Variants in PDK1 observed in about 807,000 individuals in gnomAD.
The protein encoded by PDK1 is [Pyruvate dehydrogenase (acetyl-transferring)] kinase isozyme 1, mitochondrial.
A neutral mutation model predicts 54.2 loss-of-function variants in PDK1; 39 were observed. The ratio of observed to expected loss-of-function variants is 0.72; its 90% CI spans 0.56 to 0.94. PDK1 has a LOEUF of 0.94. Among genes scored for constraint, PDK1 ranks in the 40% least tolerant of loss-of-function variants. The pLI is 0.00. For missense variants in PDK1, 552 were observed against 566.0 expected (o/e 0.98, Z 0.25); for synonymous variants, 221 against 207.1 (o/e 1.07, Z -0.58).
the PDK1 span, among the ~76,000 whole-genome samples, chr2:172,625,812 A>G: frequency 6.6e-6 from 1 of 152,196 alleles, no homozygotes; most frequent in Admixed American, 6.5e-5. Flanking sequence ...TGCCTGGCAC[A>G]TAGCAAAAAA....
At chr2:172,612,902 C>T (rs557281629), downstream of PDK1, among the ~76,000 whole-genome samples, 24 of 152,202 alleles carry the variant, frequency 1.6e-4, no homozygotes, top group Admixed American at 1.2e-3. Context: ...TCAGGTGATC[C>T]GCCCACCTCG....
At chr2:172,697,623 C>T in the PDK1 span, among the ~76,000 whole-genome samples, 2 of 152,108 alleles carry the variant, frequency 1.3e-5, no homozygotes, top group Non-Finnish European at 2.9e-5. Flanking sequence ...TAATTAACCC[C>T]AATAATTACA....
intron 8 of PDK1, among the ~76,000 whole-genome samples, chr2:172,581,013 G>A (rs1243429448): frequency 6.6e-6 from 1 of 152,132 alleles, no homozygotes; most frequent in Non-Finnish European, 1.5e-5. Flanking sequence ...ATTGACAGTG[G>A]TAATGGTTGC....
the PDK1 span, among the ~76,000 whole-genome samples, chr2:172,645,809 G>A: frequency 6.6e-6 from 1 of 152,182 alleles, no homozygotes; most frequent in Non-Finnish European, 1.5e-5. Flanking sequence ...ATTCAGCACA[G>A]TACCTGGCAG....
At chr2:172,622,129 CAT>C in the PDK1 span, among the ~76,000 whole-genome samples, 240 of 104,146 alleles carry the variant, frequency 2.3e-3, 3 homozygotes, top group Non-Finnish European at 2.7e-3. Flanking sequence ...GTTTATATCT[CAT>C]ATTATGTGAG....
At chr2:172,716,896 A>T in the PDK1 span, among the ~76,000 whole-genome samples, 1 of 152,258 alleles carries the variant, frequency 6.6e-6, no homozygotes, top group Non-Finnish European at 1.5e-5. Context: ...ACAAAACTTC[A>T]TCAATGTTTT....
chr2:172,584,960 A>G (rs1264973865), intron 8 of PDK1, among the ~76,000 whole-genome samples: 1 of 150,862 alleles, frequency 6.6e-6, no homozygotes, highest in African/African-American at 2.4e-5. Context: ...GTGAGCCACC[A>G]GACCCACCCA....
At chr2:172,700,401 CG>C in the PDK1 span, among the ~76,000 whole-genome samples, 2 of 149,784 alleles carry the variant, frequency 1.3e-5, no homozygotes, top group Non-Finnish European at 3.0e-5. Flanking sequence ...AGTTCCCAGA[CG>C]GGGTCGTGGC....
the PDK1 span, among the ~76,000 whole-genome samples, chr2:172,638,598 G>C: frequency 6.6e-6 from 1 of 152,176 alleles, no homozygotes; most frequent in Non-Finnish European, 1.5e-5. Flanking sequence ...TTATTGAGAG[G>C]TGAAGCTGGC....
chr2:172,614,172 ACCCCCC>A, the PDK1 span, among the ~76,000 whole-genome samples: 3 of 133,304 alleles, frequency 2.3e-5, no homozygotes, highest in Non-Finnish European at 3.4e-5. Context: ...CCCAGGAAGG[ACCCCCC>A]CCCCCAACCC....
At chr2:172,656,192 T>TAG in the PDK1 span, among the ~76,000 whole-genome samples, 4 of 152,192 alleles carry the variant, frequency 2.6e-5, no homozygotes, top group African/African-American at 7.2e-5. Context: ...TCTAAGTATT[T>TAG]TTTACACTAA....
chr2:172,702,535 A>T, the PDK1 span, among the ~76,000 whole-genome samples: 1 of 149,740 alleles, frequency 6.7e-6, no homozygotes, highest in Non-Finnish European at 1.5e-5. Context: ...TAGACCCTGA[A>T]CTACAATTGT....
At chr2:172,565,506 G>A (rs1377160494) in intron 5 of PDK1, among the ~76,000 whole-genome samples, 1 of 152,044 alleles carries the variant, frequency 6.6e-6, no homozygotes, top group African/African-American at 2.4e-5. Context: ...GTTTTACCAT[G>A]TTGGCCAGGC....
chr2:172,579,518 G>A (rs1015669804), intron 8 of PDK1, among the ~76,000 whole-genome samples: 1 of 140,392 alleles, frequency 7.1e-6, no homozygotes, highest in Non-Finnish European at 1.5e-5. Context: ...CCCCTCCCCC[G>A]CTCTTTCTTT....
chr2:172,611,942 C>T (rs1691476147), downstream of PDK1, among the ~76,000 whole-genome samples: 1 of 152,234 alleles, frequency 6.6e-6, no homozygotes, highest in South Asian at 2.1e-4. Context: ...AAGAATAATA[C>T]TTTTTCATAT....
At chr2:172,556,423 C>G (rs1005983845) in intron 1 of PDK1, 77 bp downstream of exon 1, 4 of 1,126,270 alleles carry the variant, frequency 3.6e-6, no homozygotes, top group Non-Finnish European at 4.7e-6. Context: ...CAGGCCGGGT[C>G]GGCGCCGGCC....
At chr2:172,614,967 A>G in the PDK1 span, among the ~76,000 whole-genome samples, 2 of 152,230 alleles carry the variant, frequency 1.3e-5, no homozygotes, top group African/African-American at 4.8e-5. Flanking sequence ...AAGTATTAGT[A>G]CACAACAGTG....
chr2:172,571,203 T>G (rs1278629072), intron 8 of PDK1, among the ~76,000 whole-genome samples: 1 of 152,202 alleles, frequency 6.6e-6, no homozygotes, highest in Admixed American at 6.5e-5. Context: ...TTTCATTTGA[T>G]TCTCATGACG....
chr2:172,570,839 T>C lies in PDK1; in HGVS notation c.945+15T>C. On this transcript the variant is annotated intron_variant, in intron 8 of 10. Coordinates refer to ENST00000282077, the MANE Select transcript of PDK1 (RefSeq NM_002610.5). Reference sequence around the variant, plus strand: ...TGACTGTGAAGGTAAATGTGTTTAATGGTTTGTTTTCTTTTTTTTTTTTTT... The same window carrying C: ...TGACTGTGAAGGTAAATGTGTTTAACGGTTTGTTTTCTTTTTTTTTTTTTT... 6.8e-7 allele frequency: 1 copy of C among 1,475,338 alleles called. No homozygotes were observed. The highest frequency in any genetic ancestry group is 9.4e-7 in the Non-Finnish European group (1 of 1,067,926). 91.4% of individuals were successfully genotyped at this position (1,475,338 alleles called of 1,614,324 possible).
Sources: gnomAD v4.1 joint callset for allele counts (sites outside exome capture counted in the v4.1 genomes callset) on GRCh38, gnomAD v4.1.1 for gene constraint, MANE v1.5 for transcripts, NCBI Gene and HGNC (gene_info 2026-07-23, HGNC 2026-07-21) for gene names.